GNA14: variants seen among roughly 807,000 people sequenced by gnomAD.
GNA14 encodes guanine nucleotide-binding protein subunit alpha-14.
Under a neutral mutation model 42.0 loss-of-function variants are expected in GNA14, and 50 were observed. That is an observed-to-expected ratio of 1.19 (90% confidence interval 0.95 to 1.51). The LOEUF is 1.51. Among genes scored for constraint, GNA14 ranks in the 40% most tolerant of loss-of-function variants. The pLI, the probability that GNA14 is intolerant of heterozygous loss-of-function variation, is 0.00. For missense variants in GNA14, 473 were observed against 446.2 expected (o/e 1.06, Z -0.54); for synonymous variants, 173 against 163.1 (o/e 1.06, Z -0.46).
chr9:77,473,672 G>A (rs918392914), intron 2 of GNA14, among the ~76,000 whole-genome samples: 1 of 142,552 alleles, frequency 7.0e-6, no homozygotes, highest in African/African-American at 2.6e-5. Flanking sequence ...ATATGGGAAT[G>A]TAAGAAAACC....
rs1348207932 is a variant in GNA14 at position 77,581,809 on chromosome 9, T to A, written c.125-52556A>T. On this transcript the variant is annotated intron_variant, in intron 1 of 6. Coordinates refer to ENST00000341700, the MANE Select transcript of GNA14 (RefSeq NM_004297.4). The stretch of plus-strand genomic sequence containing the variant: ...GGATGCTTCTCATCATCTCTCATCA[T>A]CCAACTTCATCTGTTGGTGGCTCTC... Among the ~76,000 whole-genome samples the A allele has an allele frequency of 2.8e-4, 42 of 152,148 alleles. 1 individual carries two copies. Among genetic ancestry groups the A allele is most frequent in the Admixed American group, 2.7e-3 (42 of 15,278 alleles).
At chr9:77,539,327 G>A (rs763733660) in intron 1 of GNA14, among the ~76,000 whole-genome samples, 14 of 152,068 alleles carry the variant, frequency 9.2e-5, no homozygotes, top group Non-Finnish European at 1.9e-4. Flanking sequence ...TGCATATGTT[G>A]GACCATTCTT....
intron 2 of GNA14, among the ~76,000 whole-genome samples, chr9:77,458,675 G>T (rs1400037121): frequency 2.0e-5 from 3 of 152,134 alleles, no homozygotes; most frequent in Non-Finnish European, 1.5e-5. Context: ...TTTTCCTAGA[G>T]TAAAGATACT....
intron 1 of GNA14, among the ~76,000 whole-genome samples, chr9:77,545,680 C>T (rs965927582): frequency 1.3e-5 from 2 of 152,146 alleles, no homozygotes; most frequent in Non-Finnish European, 2.9e-5. Context: ...CTGCTGATTC[C>T]CTGGTCAGAG....
chr9:77,452,980 A>G (rs998702709), intron 2 of GNA14, among the ~76,000 whole-genome samples: 2 of 151,810 alleles, frequency 1.3e-5, no homozygotes, highest in South Asian at 2.1e-4. Context: ...AAAAACAAAT[A>G]AACAAACAAG....
At chr9:77,535,780 G>C (rs186104170) in intron 1 of GNA14, among the ~76,000 whole-genome samples, 1 of 152,258 alleles carries the variant, frequency 6.6e-6, no homozygotes, top group African/African-American at 2.4e-5. Context: ...CCGGTCCACA[G>C]GCTGGTTGGG....
chr9:77,443,496 A>G (rs1479800540), intron 2 of GNA14, among the ~76,000 whole-genome samples: 3 of 152,132 alleles, frequency 2.0e-5, no homozygotes, highest in Non-Finnish European at 4.4e-5. Context: ...TCTCCCACAC[A>G]CTCAGAATAG....
intron 5 of GNA14, 111 bp from the exon 6 acceptor site, chr9:77,425,826 G>A (rs1041221647): frequency 3.7e-6 from 3 of 805,726 alleles, no homozygotes; most frequent in Non-Finnish European, 4.0e-6. Flanking sequence ...CAGTCTCTGG[G>A]CCACTGTCTG....
At chr9:77,608,058 T>G (rs905839651) in intron 1 of GNA14, among the ~76,000 whole-genome samples, 1 of 152,162 alleles carries the variant, frequency 6.6e-6, no homozygotes, top group Non-Finnish European at 1.5e-5. Flanking sequence ...GGTGGGGCTC[T>G]CACAAAAAGC....
At chr9:77,625,026 T>C (rs988196277) in intron 1 of GNA14, among the ~76,000 whole-genome samples, 7 of 151,428 alleles carry the variant, frequency 4.6e-5, no homozygotes, top group African/African-American at 1.7e-4. Flanking sequence ...CTATACGAAT[T>C]GCTAACTAGA....
chr9:77,538,751 T>C (rs939320527), intron 1 of GNA14, among the ~76,000 whole-genome samples: 4 of 152,224 alleles, frequency 2.6e-5, no homozygotes, highest in Non-Finnish European at 4.4e-5. Flanking sequence ...TGTATAGATA[T>C]GGTACTAATT....
At chr9:77,640,849 T>C (rs906882981) in intron 1 of GNA14, among the ~76,000 whole-genome samples, 2 of 111,220 alleles carry the variant, frequency 1.8e-5, no homozygotes, top group Admixed American at 1.2e-4. Flanking sequence ...GGGCATGTTA[T>C]GCCAGAAAAC....
intron 1 of GNA14, among the ~76,000 whole-genome samples, chr9:77,551,019 T>C (rs1837780011): frequency 6.6e-6 from 1 of 152,222 alleles, no homozygotes; most frequent in Admixed American, 6.5e-5. Flanking sequence ...CTTCAGGCAG[T>C]CTGCTTGGTC....
At chr9:77,592,010 G>A (rs1353611320) in intron 1 of GNA14, among the ~76,000 whole-genome samples, 1 of 151,842 alleles carries the variant, frequency 6.6e-6, no homozygotes, top group Non-Finnish European at 1.5e-5. Context: ...CGCTTCCCGG[G>A]TTCATGCCAT....
intron 1 of GNA14, among the ~76,000 whole-genome samples, chr9:77,622,241 T>TAAC (rs144450180): frequency 6.6e-6 from 1 of 152,170 alleles, no homozygotes. Flanking sequence ...TCTTTGAAAT[T>TAAC]AACAACAACA....
At chr9:77,434,337 CG>C (rs1234536621) in intron 3 of GNA14, 30 bp downstream of exon 3, 1 of 1,586,236 alleles carries the variant, frequency 6.3e-7, no homozygotes, top group Non-Finnish European at 8.6e-7. Context: ...CTGAAAGCAC[CG>C]CGGGCGGCCA....
intron 1 of GNA14, among the ~76,000 whole-genome samples, chr9:77,641,104 GGAAGGA>G (rs1824257980): frequency 9.6e-4 from 2 of 2,078 alleles, no homozygotes; most frequent in Non-Finnish European, 2.1e-3. Context: ...GGGGGGGGAA[GGAAGGA>G]AGGAAGGAAG....
At chr9:77,486,911 G>C (rs946865935) in intron 2 of GNA14, among the ~76,000 whole-genome samples, 5 of 151,934 alleles carry the variant, frequency 3.3e-5, no homozygotes, top group African/African-American at 7.3e-5. Context: ...TTGAAATATT[G>C]GGAGAATTAT....
chr9:77,497,803 A>T (rs1426984680), intron 2 of GNA14, among the ~76,000 whole-genome samples: 2 of 151,304 alleles, frequency 1.3e-5, no homozygotes, highest in Non-Finnish European at 2.9e-5. Context: ...TTTATGACCT[A>T]AAAACTTTAT....
Sources: gnomAD v4.1 joint callset for allele counts (sites outside exome capture counted in the v4.1 genomes callset) on GRCh38, gnomAD v4.1.1 for gene constraint, MANE v1.5 for transcripts, NCBI Gene and HGNC (gene_info 2026-07-23, HGNC 2026-07-21) for gene names.